RBMS1: variants seen among roughly 807,000 people sequenced by gnomAD.
RBMS1 encodes RNA binding motif single stranded interacting protein 1.
Under a neutral mutation model 62.3 loss-of-function variants are expected in RBMS1, and 17 were observed. The observed-to-expected ratio is 0.27, with a 90% CI of 0.19 to 0.41. The LOEUF is 0.41. Among genes scored for constraint, RBMS1 ranks in the 10% least tolerant of loss-of-function variants. RBMS1 has a pLI of 1.00. For synonymous variants in RBMS1, 172 were observed against 170.0 expected, an observed-to-expected ratio of 1.01 and a Z score of -0.09; for missense variants, 334 against 504.5, an observed-to-expected ratio of 0.66 and a Z score of 3.24.
At chr2:160,359,407 C>A (rs532784834) in intron 2 of RBMS1, among the ~76,000 whole-genome samples, 3 of 152,136 alleles carry the variant, frequency 2.0e-5, no homozygotes, top group Non-Finnish European at 2.9e-5. Flanking sequence ...TATGTTCAGG[C>A]TTTTTGGACT....
chr2:160,292,675 A>ACT (rs954611203), intron 6 of RBMS1, among the ~76,000 whole-genome samples: 19 of 152,102 alleles, frequency 1.2e-4, no homozygotes, highest in African/African-American at 4.3e-4. Context: ...ATAAAATCTT[A>ACT]CTCCACTATT....
intron 1 of RBMS1, among the ~76,000 whole-genome samples, chr2:160,382,325 T>C (rs538790508): frequency 8.5e-5 from 13 of 152,348 alleles, no homozygotes; most frequent in African/African-American, 3.1e-4. Context: ...TTGAAATTTA[T>C]TATATTTCCT....
chr2:160,280,984 T>C (rs1232946472), intron 10 of RBMS1, among the ~76,000 whole-genome samples: 2 of 152,144 alleles, frequency 1.3e-5, no homozygotes, highest in Non-Finnish European at 2.9e-5. Flanking sequence ...TTAAACAGAA[T>C]GTAAAAAATG....
intron 2 of RBMS1, among the ~76,000 whole-genome samples, chr2:160,346,475 A>C (rs1692180581): frequency 6.6e-6 from 1 of 152,172 alleles, no homozygotes; most frequent in Non-Finnish European, 1.5e-5. Context: ...GACAAATCAC[A>C]GAAAATATCC....
chr2:160,316,051 A>G (rs1382045335), intron 3 of RBMS1, among the ~76,000 whole-genome samples: 1 of 152,186 alleles, frequency 6.6e-6, no homozygotes, highest in Non-Finnish European at 1.5e-5. Context: ...TTTCATTTAT[A>G]TTAATATTCT....
intron 1 of RBMS1, among the ~76,000 whole-genome samples, chr2:160,477,566 CTT>C (rs953979642): frequency 6.9e-6 from 1 of 145,506 alleles, no homozygotes; most frequent in Non-Finnish European, 1.5e-5. Context: ...CCATGCCTGG[CTT>C]TTTTTTTTTA....
intron 2 of RBMS1, among the ~76,000 whole-genome samples, chr2:160,323,985 T>A (rs372275813): frequency 2.0e-5 from 3 of 152,232 alleles, no homozygotes; most frequent in African/African-American, 7.2e-5. Flanking sequence ...CAATATAAAA[T>A]GTAGGTATAT....
At chr2:160,325,846 T>TA (rs978369155) in intron 2 of RBMS1, among the ~76,000 whole-genome samples, 58 of 152,324 alleles carry the variant, frequency 3.8e-4, no homozygotes, top group African/African-American at 1.3e-3. Flanking sequence ...AAAAATTTAT[T>TA]AGGCAATCAA....
chr2:160,413,742 A>G (rs1302824304), intron 1 of RBMS1, among the ~76,000 whole-genome samples: 1 of 152,214 alleles, frequency 6.6e-6, no homozygotes, highest in Non-Finnish European at 1.5e-5. Context: ...GCTGTCATTT[A>G]TTGAGTAACT....
At chr2:160,303,664 G>A (rs962261320) in intron 4 of RBMS1, among the ~76,000 whole-genome samples, 177 bp from the exon 5 acceptor site, 1 of 152,186 alleles carries the variant, frequency 6.6e-6, no homozygotes, top group African/African-American at 2.4e-5. Context: ...TGGACAATCT[G>A]TGCAGGCCAG....
intron 1 of RBMS1, among the ~76,000 whole-genome samples, chr2:160,441,558 T>C (rs991837958): frequency 6.6e-6 from 1 of 152,186 alleles, no homozygotes; most frequent in Non-Finnish European, 1.5e-5. Context: ...ACTGCATCTC[T>C]ATAAAAAATT....
intron 1 of RBMS1, among the ~76,000 whole-genome samples, chr2:160,425,476 A>G (rs1299966480): frequency 6.6e-6 from 1 of 152,194 alleles, no homozygotes; most frequent in Non-Finnish European, 1.5e-5. Context: ...ACCACCGGGT[A>G]CTGTGCATGG....
At chr2:160,445,971 G>A (rs1683623992) in intron 1 of RBMS1, among the ~76,000 whole-genome samples, 1 of 151,736 alleles carries the variant, frequency 6.6e-6, no homozygotes, top group Non-Finnish European at 1.5e-5. Flanking sequence ...TATGTTAACT[G>A]GATTAAATGC....
chr2:160,360,404 T>G (rs1693060826), intron 2 of RBMS1, among the ~76,000 whole-genome samples: 1 of 152,196 alleles, frequency 6.6e-6, no homozygotes, highest in Non-Finnish European at 1.5e-5. Context: ...ATTATGCTAC[T>G]CTTCTACTCC....
intron 2 of RBMS1, among the ~76,000 whole-genome samples, chr2:160,337,808 A>G (rs1383940522): frequency 6.6e-6 from 1 of 152,184 alleles, no homozygotes; most frequent in African/African-American, 2.4e-5. Context: ...CAATCAGGGA[A>G]GCCACTAGCT....
chr2:160,413,498 C>T lies in RBMS1; in HGVS notation c.76-46107G>A, dbSNP rs376494387. 7.9e-5 allele frequency among the ~76,000 whole-genome samples: 12 copies of T among 152,236 alleles called. No individual in the cohort carries two copies. In the South Asian group the frequency reaches 1.7e-3, roughly 21 times the overall value. ...AAAAATCTGCAATTCTTATTCCAAA[C>T]GTAAAGGCTCCCTAGACATGTATAA... is the stretch of plus-strand genomic sequence containing the variant. On this transcript the variant is annotated intron_variant, in intron 1 of 13. Coordinates refer to ENST00000348849, the MANE Select transcript of RBMS1 (RefSeq NM_016836.4).
rs532004919 is a variant in RBMS1, at chr2:160,421,717, C to T, written c.76-54326G>A. Among the ~76,000 whole-genome samples the T allele has an allele frequency of 3.6e-4, 55 of 152,286 alleles. No individual in the cohort carries two copies. In the East Asian group the frequency reaches 7.5e-3, roughly 21 times the overall value. On this transcript the variant is annotated intron_variant, in intron 1 of 13. Coordinates refer to ENST00000348849, the MANE Select transcript of RBMS1 (RefSeq NM_016836.4). ...TTCTGGTTCTGGATCCTTGAGGAAT[C>T]GCCACACTGTCTTCCACAATGGTTG...
chr2:160,286,077 C>A (rs745389250), intron 7 of RBMS1, among the ~76,000 whole-genome samples: 7 of 151,586 alleles, frequency 4.6e-5, no homozygotes, highest in Non-Finnish European at 8.8e-5. Flanking sequence ...TGCCACTGCC[C>A]TCCAGCCTGA....
chr2:160,308,269 C>T (rs1322533201), intron 4 of RBMS1, among the ~76,000 whole-genome samples: 1 of 151,980 alleles, frequency 6.6e-6, no homozygotes, highest in Non-Finnish European at 1.5e-5. Context: ...GTAGTGCGTG[C>T]CTGTAGTCCC....
Sources: gnomAD v4.1 joint callset for allele counts (sites outside exome capture counted in the v4.1 genomes callset) on GRCh38, gnomAD v4.1.1 for gene constraint, MANE v1.5 for transcripts, NCBI Gene and HGNC (gene_info 2026-07-23, HGNC 2026-07-21) for gene names.